Variants in EXOC4 observed in about 807,000 individuals in gnomAD.
The protein encoded by EXOC4 is SEC8-like 1.
Under a neutral mutation model 107.2 loss-of-function variants are expected in EXOC4, and 71 were observed. That is an observed-to-expected ratio of 0.66 (90% CI 0.55 to 0.81). EXOC4 has a LOEUF of 0.81. EXOC4 is among the 30% of genes least tolerant of loss of function. EXOC4 has a pLI of 0.00. For synonymous variants in EXOC4, 456 were observed against 441.2 expected, an observed-to-expected ratio of 1.03 and a Z score of -0.42; for missense variants, 1,108 against 1,189.6, an observed-to-expected ratio of 0.93 and a Z score of 1.01.
At chr7:133,918,546 A>G (rs1799864025) in intron 13 of EXOC4, among the ~76,000 whole-genome samples, 1 of 152,240 alleles carries the variant, frequency 6.6e-6, no homozygotes, top group Non-Finnish European at 1.5e-5. Flanking sequence ...GTGTGTTCAC[A>G]TACATTGTAT....
At chr7:133,852,956 T>C (rs1798266807) in intron 11 of EXOC4, among the ~76,000 whole-genome samples, 1 of 152,182 alleles carries the variant, frequency 6.6e-6, no homozygotes, top group African/African-American at 2.4e-5. Flanking sequence ...CAATCGGGCA[T>C]CTCTGCTGTC....
At chr7:133,662,465 A>C (rs1172397364) in intron 10 of EXOC4, among the ~76,000 whole-genome samples, 4 of 152,172 alleles carry the variant, frequency 2.6e-5, no homozygotes, top group African/African-American at 9.7e-5. Flanking sequence ...GACTTTGACA[A>C]GAACAGTTTT....
At chr7:133,842,174 C>T (rs1387427303) in intron 11 of EXOC4, among the ~76,000 whole-genome samples, 3 of 152,138 alleles carry the variant, frequency 2.0e-5, no homozygotes, top group South Asian at 2.1e-4. Flanking sequence ...TACTCAGTAA[C>T]GGGACTGCTG....
intron 1 of EXOC4, among the ~76,000 whole-genome samples, chr7:133,257,385 C>CAT (rs56158444): frequency 6.6e-6 from 1 of 151,810 alleles, no homozygotes; most frequent in Non-Finnish European, 1.5e-5. Context: ...CACACACACA[C>CAT]GTGCACACAC....
intron 10 of EXOC4, among the ~76,000 whole-genome samples, chr7:133,639,288 G>A (rs1259129491): frequency 6.6e-6 from 1 of 152,008 alleles, no homozygotes; most frequent in East Asian, 1.9e-4. Context: ...CCCTCTTTCC[G>A]ATTTGTTCTG....
At chr7:134,058,556 A>G (rs1795982914) in intron 17 of EXOC4, among the ~76,000 whole-genome samples, 1 of 152,246 alleles carries the variant, frequency 6.6e-6, no homozygotes, top group African/African-American at 2.4e-5. Flanking sequence ...TGACTGCATT[A>G]CTTGGTTTAG....
chr7:133,639,502 C>G (rs1195292447), intron 10 of EXOC4, among the ~76,000 whole-genome samples: 1 of 151,610 alleles, frequency 6.6e-6, no homozygotes, highest in African/African-American at 2.4e-5. Context: ...AAAATAGGCC[C>G]CAAAATAAGC....
At chr7:133,969,603 T>C (rs1801154212) in intron 14 of EXOC4, among the ~76,000 whole-genome samples, 1 of 152,196 alleles carries the variant, frequency 6.6e-6, no homozygotes, top group East Asian at 1.9e-4. Context: ...CGCTCTGCTG[T>C]AGGTCTGCTG....
At chr7:133,580,214 T>C (rs1801223594) in intron 9 of EXOC4, among the ~76,000 whole-genome samples, 1 of 152,232 alleles carries the variant, frequency 6.6e-6, no homozygotes, top group East Asian at 1.9e-4. Context: ...TTGATGGACA[T>C]ATACCTTAAA....
intron 11 of EXOC4, among the ~76,000 whole-genome samples, chr7:133,862,435 A>T (rs908743690): frequency 2.0e-5 from 3 of 152,072 alleles, no homozygotes; most frequent in Non-Finnish European, 4.4e-5. Flanking sequence ...GTGAGCTGAG[A>T]TCACACCGTT....
At chr7:133,406,837 T>C (rs892801061) in intron 7 of EXOC4, among the ~76,000 whole-genome samples, 1 of 152,220 alleles carries the variant, frequency 6.6e-6, no homozygotes, top group Non-Finnish European at 1.5e-5. Context: ...TGTAAGGTGG[T>C]ATTACTATAG....
At chr7:133,466,077 C>T (rs1287324358) in intron 7 of EXOC4, among the ~76,000 whole-genome samples, 1 of 151,486 alleles carries the variant, frequency 6.6e-6, no homozygotes, top group Non-Finnish European at 1.5e-5. Context: ...GTGGAGGTTG[C>T]AGTGAGCTGA....
chr7:133,608,162 A>G (rs1049652058), intron 9 of EXOC4, among the ~76,000 whole-genome samples: 1 of 152,204 alleles, frequency 6.6e-6, no homozygotes, highest in Non-Finnish European at 1.5e-5. Flanking sequence ...GAACAATTTA[A>G]TCTGAGTTTG....
rs574199238 is a variant in EXOC4, at chr7:133,729,783, A to T, written c.1515-87542A>T. On this transcript the variant is annotated intron_variant, in intron 10 of 17. Transcript: ENST00000253861. ...TTTTAAAAAGTATTGAAATAGTCAT[A>T]ATCAGCTTTTATATTTCTCCTTTTC... 4.6e-5 allele frequency among the ~76,000 whole-genome samples: 7 copies of T among 152,226 alleles called. No homozygotes were observed. In the South Asian group the frequency reaches 1.0e-3, roughly 23 times the overall value.
At chr7:133,387,967 C>CT (rs1246122581) in intron 7 of EXOC4, among the ~76,000 whole-genome samples, 1 of 149,968 alleles carries the variant, frequency 6.7e-6, no homozygotes, top group Non-Finnish European at 1.5e-5. Flanking sequence ...GGGAGATGGG[C>CT]TTTGGGGGGT....
intron 2 of EXOC4, among the ~76,000 whole-genome samples, chr7:133,276,506 C>G (rs531455733): frequency 1.3e-5 from 2 of 152,138 alleles, no homozygotes; most frequent in East Asian, 1.9e-4. Context: ...GCCGTTGTTG[C>G]TGATTTTCAG....
At chr7:133,450,134 C>G (rs532397486) in intron 7 of EXOC4, among the ~76,000 whole-genome samples, 93 of 151,894 alleles carry the variant, frequency 6.1e-4, no homozygotes, top group Non-Finnish European at 1.2e-3. Flanking sequence ...CTGAGGATGC[C>G]AGGATTTACT....
chr7:133,925,373 T>A (rs1800028495), intron 13 of EXOC4, among the ~76,000 whole-genome samples: 2 of 152,238 alleles, frequency 1.3e-5, no homozygotes. Context: ...CCAAAGAAGC[T>A]GAAAGCAGGC....
chr7:133,836,104 T>C (rs982503297), intron 11 of EXOC4, among the ~76,000 whole-genome samples: 2 of 152,212 alleles, frequency 1.3e-5, no homozygotes, highest in African/African-American at 4.8e-5. Context: ...GATGGAAATA[T>C]AATATAGCAG....
Sources: gnomAD v4.1 joint callset for allele counts (sites outside exome capture counted in the v4.1 genomes callset) on GRCh38, gnomAD v4.1.1 for gene constraint, MANE v1.5 for transcripts, NCBI Gene and HGNC (gene_info 2026-07-23, HGNC 2026-07-21) for gene names.